The following LYZL4 variants were observed in gnomAD, a reference collection of about 807,000 sequenced individuals.
The protein encoded by LYZL4 is lysozyme like 4.
LYZL4 carries 13 observed loss-of-function variants against 17.6 expected under a neutral mutation model. The ratio of observed to expected loss-of-function variants is 0.74; its 90% CI spans 0.48 to 1.18. The LOEUF (loss-of-function observed/expected upper bound fraction) is 1.18. LYZL4 is among the 50% of genes most tolerant of loss of function. The probability of loss-of-function intolerance (pLI) is 0.00; values close to 1 mark genes in which losing one functional copy is unlikely to be tolerated. For synonymous variants in LYZL4, 64 were observed against 67.7 expected, an observed-to-expected ratio of 0.95 and a Z score of 0.27; for missense variants, 174 against 188.2, an observed-to-expected ratio of 0.92 and a Z score of 0.44.
the LYZL4 span, among the ~76,000 whole-genome samples, chr3:42,372,032 G>A: frequency 6.6e-6 from 1 of 152,202 alleles, no homozygotes; most frequent in Non-Finnish European, 1.5e-5. Flanking sequence ...TCTGTGGGCT[G>A]GAGCCAGCTG....
chr3:42,394,723 T>C (rs1159961562), downstream of LYZL4, among the ~76,000 whole-genome samples: 8 of 152,140 alleles, frequency 5.3e-5, no homozygotes, highest in Admixed American at 5.2e-4. Flanking sequence ...CGAGAGAGGC[T>C]GTTCCAATCA....
At chr3:42,392,834 G>A (rs1049796359), downstream of LYZL4, among the ~76,000 whole-genome samples, 3 of 152,138 alleles carry the variant, frequency 2.0e-5, no homozygotes, top group Admixed American at 1.3e-4. Context: ...TCAAAGAGTG[G>A]GGTCTTAGAA....
the LYZL4 span, among the ~76,000 whole-genome samples, chr3:42,381,090 G>C: frequency 8.5e-5 from 13 of 152,212 alleles, no homozygotes; most frequent in African/African-American, 3.1e-4. Flanking sequence ...CCAAGTCCTA[G>C]TGAGCCCAAA....
chr3:42,408,302 C>T (rs533295015), intron 1 of LYZL4, among the ~76,000 whole-genome samples: 31 of 152,296 alleles, frequency 2.0e-4, no homozygotes, highest in Non-Finnish European at 4.1e-4. Context: ...TTTATCAGGA[C>T]GAATCTATTA....
chr3:42,386,996 G>A, the LYZL4 span, among the ~76,000 whole-genome samples: 4 of 151,892 alleles, frequency 2.6e-5, no homozygotes, highest in Non-Finnish European at 4.4e-5. Flanking sequence ...TTTTAAATTC[G>A]CCTTTATATT....
chr3:42,373,447 T>C, the LYZL4 span, among the ~76,000 whole-genome samples: 1 of 152,124 alleles, frequency 6.6e-6, no homozygotes, highest in Non-Finnish European at 1.5e-5. Flanking sequence ...GAGAATTTCT[T>C]ACTCTTTCCA....
the LYZL4 span, among the ~76,000 whole-genome samples, chr3:42,380,414 A>C: frequency 6.6e-6 from 1 of 152,206 alleles, no homozygotes. Flanking sequence ...AAAACGTTGG[A>C]GCTAAGCAGC....
rs1382239641 is a variant in LYZL4, at chr3:42,400,782, G to C, written c.371+3264C>G. Reference sequence around the variant, plus strand: ...CAGGTAATTATAAAATGTGGGACGGGGGGAGAAAAGGTAGGGGAAGAAGGA... The same window carrying C: ...CAGGTAATTATAAAATGTGGGACGGCGGGAGAAAAGGTAGGGGAAGAAGGA... On this transcript the variant is annotated intron_variant, in intron 4 of 4. Coordinates refer to ENST00000287748, the MANE Select transcript of LYZL4 (RefSeq NM_144634.4). Among the ~76,000 whole-genome samples the C allele has an allele frequency of 3.9e-5, 6 of 152,164 alleles. No individual in the cohort carries two copies. The East Asian group carries it at 7.7e-4, about 20-fold the overall frequency.
chr3:42,384,406 A>G, the LYZL4 span, among the ~76,000 whole-genome samples: 4 of 152,152 alleles, frequency 2.6e-5, no homozygotes, highest in Non-Finnish European at 5.9e-5. Flanking sequence ...GGTGAAATTG[A>G]TGGTGATAAA....
the LYZL4 span, among the ~76,000 whole-genome samples, chr3:42,364,059 A>G: frequency 6.6e-6 from 1 of 152,176 alleles, no homozygotes; most frequent in Non-Finnish European, 1.5e-5. Flanking sequence ...AGACGGTAAG[A>G]GGCAAGAAAA....
rs1245330952 is a variant in LYZL4, at chr3:42,398,992, A to C, written c.372-1658T>G. 2.0e-5 allele frequency among the ~76,000 whole-genome samples: 3 copies of C among 152,378 alleles called. No individual in the cohort carries two copies. The East Asian group carries it at 5.8e-4, about 29-fold the overall frequency. The stretch of plus-strand genomic sequence containing the variant: ...ATTTATAAAGGACACATAAAAGGTC[A>C]ACATGAAGAAAAAAACCATTATCAA... On this transcript the variant is annotated intron_variant, in intron 4 of 4. Transcript: ENST00000287748.
chr3:42,374,238 G>T, the LYZL4 span, among the ~76,000 whole-genome samples: 1 of 152,192 alleles, frequency 6.6e-6, no homozygotes, highest in Admixed American at 6.5e-5. Flanking sequence ...CTGAAAGGTT[G>T]ATCGATTTGC....
intron 1 of LYZL4, among the ~76,000 whole-genome samples, chr3:42,408,989 C>T (rs930284216): frequency 1.3e-5 from 2 of 152,208 alleles, no homozygotes; most frequent in African/African-American, 2.4e-5. Flanking sequence ...TTAGAAGAAT[C>T]ATACTTTCAA....
At chr3:42,364,940 C>G in the LYZL4 span, among the ~76,000 whole-genome samples, 1 of 152,134 alleles carries the variant, frequency 6.6e-6, no homozygotes, top group African/African-American at 2.4e-5. Context: ...CTTGCCTTGT[C>G]TTGTATGTGA....
chr3:42,390,286 A>G, the LYZL4 span, among the ~76,000 whole-genome samples: 1 of 152,074 alleles, frequency 6.6e-6, no homozygotes, highest in Non-Finnish European at 1.5e-5. Context: ...GGCTTTTAAT[A>G]ATCTGATGGA....
At chr3:42,394,542 A>C (rs560893495), downstream of LYZL4, among the ~76,000 whole-genome samples, 5 of 152,310 alleles carry the variant, frequency 3.3e-5, no homozygotes, top group South Asian at 1.0e-3. Flanking sequence ...TGTAATATTT[A>C]TATGGTTGGA....
the LYZL4 span, among the ~76,000 whole-genome samples, chr3:42,383,403 T>A: frequency 7.1e-6 from 1 of 141,810 alleles, no homozygotes; most frequent in African/African-American, 2.7e-5. Flanking sequence ...GTGAACCCCA[T>A]CATCTCCAGT....
the LYZL4 span, among the ~76,000 whole-genome samples, chr3:42,381,903 C>G: frequency 6.6e-6 from 1 of 152,232 alleles, no homozygotes; most frequent in South Asian, 2.1e-4. Context: ...TACACTCTGA[C>G]TTGCGCATCT....
chr3:42,392,385 A>G (rs953890888), downstream of LYZL4, among the ~76,000 whole-genome samples: 8 of 152,206 alleles, frequency 5.3e-5, no homozygotes, highest in African/African-American at 1.9e-4. Flanking sequence ...TGAATGAAGA[A>G]GGAGGTGTGG....
Sources: allele counts gnomAD v4.1 joint callset (sites outside exome capture counted in the v4.1 genomes callset), GRCh38; gene constraint gnomAD v4.1.1; transcripts MANE v1.5; gene names NCBI Gene and HGNC (gene_info 2026-07-23, HGNC 2026-07-21).